The following EXT2 variants were observed in gnomAD, a reference collection of about 807,000 sequenced individuals.
EXT2 encodes the protein exostosin glycosyltransferase 2.
EXT2 carries 53 observed loss-of-function variants against 81.6 expected under a neutral mutation model. The ratio of observed to expected loss-of-function variants is 0.65; its 90% CI spans 0.52 to 0.82. The LOEUF (loss-of-function observed/expected upper bound fraction) is 0.82. Among genes scored for constraint, EXT2 ranks in the 40% least tolerant of loss-of-function variants. EXT2 has a pLI of 0.00. For missense variants in EXT2, 774 were observed against 910.2 expected, an observed-to-expected ratio of 0.85 and a Z score of 1.93; for synonymous variants, 320 against 340.0, an observed-to-expected ratio of 0.94 and a Z score of 0.65.
intron 7 of EXT2, among the ~76,000 whole-genome samples, chr11:44,147,742 A>T (rs1954738963): frequency 1.7e-5 from 2 of 114,910 alleles, no homozygotes; most frequent in African/African-American, 3.4e-5. Context: ...TTTTTTTTTA[A>T]TTGAGCATTT....
chr11:44,178,092 A>C (rs765328345), intron 8 of EXT2, among the ~76,000 whole-genome samples: 1 of 152,238 alleles, frequency 6.6e-6, no homozygotes, highest in Non-Finnish European at 1.5e-5. Context: ...GCATAAGAGC[A>C]CTTGATTGGC....
At chr11:44,199,153 A>G (rs1955493635) in intron 9 of EXT2, among the ~76,000 whole-genome samples, 1 of 152,338 alleles carries the variant, frequency 6.6e-6, no homozygotes, top group Non-Finnish European at 1.5e-5. Context: ...TCTCAACACT[A>G]TAACATGGCC....
chr11:44,141,366 A>G (rs1445150154), intron 7 of EXT2, among the ~76,000 whole-genome samples: 1 of 152,166 alleles, frequency 6.6e-6, no homozygotes, highest in Non-Finnish European at 1.5e-5. Context: ...GTGGAACCAC[A>G]GATACAGAAC....
chr11:44,216,026 G>A (rs1002678511), intron 10 of EXT2, among the ~76,000 whole-genome samples: 1 of 152,004 alleles, frequency 6.6e-6, no homozygotes. Flanking sequence ...ACAGGCGCCC[G>A]CCACCGCGCC....
At chr11:44,097,237 TATTA>T (rs1953911524) in intron 1 of EXT2, among the ~76,000 whole-genome samples, 1 of 152,252 alleles carries the variant, frequency 6.6e-6, no homozygotes, top group African/African-American at 2.4e-5. Flanking sequence ...AAGATTTACA[TATTA>T]ATTATGTAAT....
intron 4 of EXT2, among the ~76,000 whole-genome samples, chr11:44,114,839 A>G (rs752725724): frequency 1.3e-5 from 2 of 152,108 alleles, no homozygotes; most frequent in Non-Finnish European, 2.9e-5. Context: ...TCTGACCACT[A>G]TCTCCATCTT....
intron 8 of EXT2, among the ~76,000 whole-genome samples, chr11:44,178,788 C>A (rs763633146): frequency 7.7e-6 from 1 of 129,574 alleles, no homozygotes; most frequent in Non-Finnish European, 1.7e-5. Flanking sequence ...CCTCCTACTG[C>A]CTAGATATGA....
rs1017208565 is a variant in EXT2 at position 44,153,924 on chromosome 11, G to GT, written c.1174-17678dup. On this transcript the variant is annotated intron_variant, in intron 7 of 13. Transcript: ENST00000533608. ...TTGGATTTGAATACTGGTTGTTGTT[G>GT]TTTTTTTTTAGAATTTTTTGCTTCT... is the stretch of plus-strand genomic sequence containing the variant. Among the ~76,000 whole-genome samples the GT allele has an allele frequency of 2.3e-4, 34 of 147,056 alleles. 1 individual carries two copies. Among genetic ancestry groups the GT allele is most frequent in the Middle Eastern group, 3.5e-3 (1 of 284 alleles).
intron 7 of EXT2, among the ~76,000 whole-genome samples, chr11:44,135,702 T>C (rs932380857): frequency 6.6e-5 from 10 of 152,186 alleles, no homozygotes; most frequent in African/African-American, 2.2e-4. Context: ...GAAAAGCTAT[T>C]TTTAATAAAA....
chr11:44,233,675 T>C lies in EXT2; in HGVS notation c.1807-440T>C, dbSNP rs188866529. 2.3e-3 allele frequency among the ~76,000 whole-genome samples: 350 copies of C among 152,318 alleles called. 1 individual carries two copies. The highest frequency in any genetic ancestry group is 8.0e-3 in the African/African-American group (334 of 41,564). On this transcript the variant is annotated intron_variant, in intron 11 of 13. Coordinates refer to ENST00000533608, the MANE Select transcript of EXT2 (RefSeq NM_207122.2). ...TGTATTCATATCGATTGTTTGTTGTTAGCTCAGCACTACTGCCCTCATATT... is the reference window on the plus strand; with the variant it reads ...TGTATTCATATCGATTGTTTGTTGTCAGCTCAGCACTACTGCCCTCATATT...
At position 44,207,868 on chromosome 11, in the gene EXT2, G is replaced by A. The variant is rs76168719; in HGVS notation, c.1662+909G>A. On this transcript the variant is annotated intron_variant, in intron 10 of 13. Transcript: ENST00000533608. ...AAGGAAAAGGAATCCCCTCCCCCCC[G>A]ACACTATCGCCACCACTAAAAATTA... 5.1e-3 allele frequency among the ~76,000 whole-genome samples: 778 copies of A among 151,950 alleles called. 7 individuals are homozygous for A. The highest frequency in any genetic ancestry group is 0.018 in the African/African-American group (726 of 41,430).
chr11:44,107,756 TC>T lies in EXT2; in HGVS notation c.47del (p.Pro16GlnfsTer3), dbSNP rs1284760294. 6.2e-7 allele frequency: 1 copy of T among 1,614,172 alleles called. No homozygotes were observed. The highest frequency in any genetic ancestry group is 1.1e-5 in the South Asian group (1 of 91,082). On this transcript the variant is annotated frameshift_variant, in exon 2 of 14. Transcript: ENST00000533608. LOFTEE classifies it high-confidence loss of function. ...VKYNIRGPAL[I>X]PRMKTKHRIY... Reference sequence around the variant, plus strand: ...TATAATATCCGGGGTCCTGCCCTCATCCCAAGAATGAAGACCAAGCACCGAA... The same window carrying T: ...TATAATATCCGGGGTCCTGCCCTCATCCAAGAATGAAGACCAAGCACCGAA...
intron 10 of EXT2, among the ~76,000 whole-genome samples, chr11:44,210,653 T>G (rs1337374036): frequency 1.3e-5 from 2 of 152,206 alleles, no homozygotes; most frequent in South Asian, 2.1e-4. Flanking sequence ...AATAAATTAT[T>G]TATTGTATAT....
At chr11:44,141,558 A>G (rs1001107784) in intron 7 of EXT2, among the ~76,000 whole-genome samples, 18 of 152,228 alleles carry the variant, frequency 1.2e-4, no homozygotes, top group Non-Finnish European at 2.6e-4. Context: ...TGCTTATACT[A>G]TACTCTTAAC....
At chr11:44,139,596 C>T (rs1405645755) in intron 7 of EXT2, among the ~76,000 whole-genome samples, 2 of 152,162 alleles carry the variant, frequency 1.3e-5, no homozygotes, top group East Asian at 3.9e-4. Context: ...GCCTCTGCCT[C>T]CCTTCCCCCA....
At chr11:44,116,992 G>A (rs1202108264) in intron 4 of EXT2, among the ~76,000 whole-genome samples, 21 of 140,442 alleles carry the variant, frequency 1.5e-4, no homozygotes, top group Non-Finnish European at 2.7e-4. Flanking sequence ...TTTTTGAGAC[G>A]GAGTTTTGCT....
intron 9 of EXT2, among the ~76,000 whole-genome samples, chr11:44,204,870 T>C (rs1305670704): frequency 1.3e-5 from 2 of 152,186 alleles, no homozygotes; most frequent in African/African-American, 4.8e-5. Flanking sequence ...ATGACTGTTA[T>C]AATGTATTCA....
chr11:44,172,494 A>G (rs1955089971), intron 8 of EXT2, among the ~76,000 whole-genome samples: 1 of 152,102 alleles, frequency 6.6e-6, no homozygotes, highest in South Asian at 2.1e-4. Context: ...GCATTCCTGT[A>G]AGAGAACTAG....
At chr11:44,207,049 C>A in intron 10 of EXT2, 90 bp downstream of exon 10, 1 of 1,437,724 alleles carries the variant, frequency 7.0e-7, no homozygotes, top group Non-Finnish European at 9.7e-7. Flanking sequence ...ATATTTCCTT[C>A]TTAAAAGTCA....
Sources: allele counts gnomAD v4.1 joint callset (sites outside exome capture counted in the v4.1 genomes callset), GRCh38; gene constraint gnomAD v4.1.1; transcripts MANE v1.5; gene names NCBI Gene and HGNC (gene_info 2026-07-23, HGNC 2026-07-21).